ADH1C: variants seen among roughly 807,000 people sequenced by gnomAD.
The protein encoded by ADH1C is alcohol dehydrogenase 1C.
Under a neutral mutation model 35.0 loss-of-function variants are expected in ADH1C, and 26 were observed. That is an observed-to-expected ratio of 0.74 (90% CI 0.54 to 1.03). ADH1C has a LOEUF of 1.03. Ranked by LOEUF, ADH1C falls within the 50% of genes least tolerant of loss-of-function variation. ADH1C has a pLI of 0.00. For missense variants in ADH1C, 413 were observed against 465.4 expected, an observed-to-expected ratio of 0.89 and a Z score of 1.04; for synonymous variants, 170 against 169.3, an observed-to-expected ratio of 1.00 and a Z score of -0.03.
chr4:99,343,034 C>G lies in ADH1C; in HGVS notation c.589G>C (p.Ala197Pro). 6.2e-7 allele frequency: 1 copy of G among 1,614,164 alleles called. No homozygotes were observed. Among genetic ancestry groups the G allele is most frequent in the Non-Finnish European group, 8.5e-7 (1 of 1,180,032 alleles). Residue 197 changes from alanine (A) to proline (P), a missense_variant, in exon 6 of 9, where the codon GCT (alanine) becomes CCT (proline). By Grantham distance (27) the Ala-to-Pro change is conservative. Coordinates refer to ENST00000515683, the MANE Select transcript of ADH1C (RefSeq NM_000669.5). ...VAKVTPGSTC[A>P]VFGLGGVGLS... Reference sequence around the variant, plus strand: ...CCGACCCCTCCCAGGCCAAACACAGCACAGGTAGACCCTGGGGTGACCTAT... The same window carrying G: ...CCGACCCCTCCCAGGCCAAACACAGGACAGGTAGACCCTGGGGTGACCTAT...
chr4:99,339,518 C>A (rs1360432037), intron 8 of ADH1C, 59 bp downstream of exon 8: 6 of 1,074,228 alleles, frequency 5.6e-6, no homozygotes, highest in African/African-American at 5.0e-5. Flanking sequence ...CAACGCCCCC[C>A]CCCCCCCCGC....
chr4:99,352,742 T>C lies in ADH1C; in HGVS notation c.-67A>G, dbSNP rs565086455. Reference sequence around the variant, plus strand: ...CTTGTGGATTTCTTCTCTGCTTGAGTGCATAAAGCAGGTATGTTGCACAGG... The same window carrying C: ...CTTGTGGATTTCTTCTCTGCTTGAGCGCATAAAGCAGGTATGTTGCACAGG... On this transcript the variant is annotated 5_prime_UTR_variant, in exon 1 of 9. Transcript: ENST00000515683. 6.6e-7 allele frequency: 1 copy of C among 1,518,054 alleles called. No homozygotes were observed. The highest frequency in any genetic ancestry group is 2.3e-5 in the East Asian group (1 of 44,368). The allele number at this position is 1,518,054 out of a possible 1,614,324, so 94.0% of individuals were successfully genotyped here. A position where few individuals can be genotyped will look rare whatever the true frequency, so the allele number is the denominator to read the frequency against.
Position 99,347,749 on chromosome 4 carries a change from A to G in ADH1C, c.116T>C (p.Ile39Thr). 1.9e-6 allele frequency: 3 copies of G among 1,606,680 alleles called. No individual in the cohort carries two copies. Among genetic ancestry groups the G allele is most frequent in the Non-Finnish European group, 2.6e-6 (3 of 1,176,204 alleles). Residue 39 changes from isoleucine (I) to threonine (T), a missense_variant, in exon 2 of 9, where the codon ATT (isoleucine) becomes ACT (threonine). Physicochemically the swap from Ile to Thr is moderately conservative, Grantham distance 89 (BLOSUM62 -1). Transcript: ENST00000515683. ...VAPPKAHEVR[I>T]KMVAAGICRS... ...CAAATGGAAAAAGTATTTCACCTTA[A>G]TGCGAACTTCATGAGCCTTAGGAGG... is the stretch of plus-strand genomic sequence containing the variant.
Position 99,344,998 on chromosome 4 carries a change from ACGC to A in ADH1C, c.428_430del (p.Gly143del), listed in dbSNP as rs769558836. On this transcript the variant is annotated inframe_deletion, in exon 5 of 9. Transcript: ENST00000515683. ...CACTGTGTACTGGGAGAAGGTGCTG[ACGC>A]CGACGAAGTGGTGGATGGGCTTCCC... 6 of 1,614,064 alleles carry A rather than the reference ACGC, an allele frequency of 3.7e-6. No homozygotes were observed. The Admixed American group carries it at 5.0e-5, about 13-fold the overall frequency.
chr4:99,348,009 CTT>C (rs1560539254), intron 1 of ADH1C, among the ~76,000 whole-genome samples, 163 bp from the exon 2 acceptor site: 1 of 152,000 alleles, frequency 6.6e-6, no homozygotes, highest in Non-Finnish European at 1.5e-5. Flanking sequence ...ATAAGAGTAT[CTT>C]TTAAAAAAGC....
At chr4:99,338,436 TATATATATAC>T (rs1303629721) in intron 8 of ADH1C, among the ~76,000 whole-genome samples, 1,503 of 65,468 alleles carry the variant, frequency 0.023, 205 homozygotes, top group East Asian at 0.044. Flanking sequence ...TATATATATA[TATATATATAC>T]ACACTCTTGA....
chr4:99,343,072 T>C lies in ADH1C; in HGVS notation c.568-17A>G. 6.2e-7 allele frequency: 1 copy of C among 1,603,582 alleles called. No individual in the cohort carries two copies. Among genetic ancestry groups the C allele is most frequent in the South Asian group, 1.1e-5 (1 of 89,234 alleles). On this transcript the variant is annotated splice_polypyrimidine_tract_variant and intron_variant, in intron 5 of 8. Coordinates refer to ENST00000515683, the MANE Select transcript of ADH1C (RefSeq NM_000669.5). Reference sequence around the variant, plus strand: ...TGGGGTGACCTATGTTTTCAGAAAATGCAAAAATGAATTAAATAATGTTTG... The same window carrying C: ...TGGGGTGACCTATGTTTTCAGAAAACGCAAAAATGAATTAAATAATGTTTG...
intron 1 of ADH1C, among the ~76,000 whole-genome samples, chr4:99,351,998 T>C (rs975378765): frequency 1.3e-5 from 2 of 152,194 alleles, no homozygotes; most frequent in South Asian, 2.1e-4. Flanking sequence ...TTGACTTTTA[T>C]ATAGGGGAGA....
In ADH1C at chr4:99,339,518, C is replaced by G. The variant is rs1360432037; in HGVS notation, c.1103+59G>C. 60 of 1,074,122 alleles carry G rather than the reference C, an allele frequency of 5.6e-5. 1 individual carries two copies. Among genetic ancestry groups the G allele is most frequent in the Non-Finnish European group, 6.8e-5 (54 of 790,404 alleles). 66.5% of individuals were successfully genotyped at this position (1,074,122 alleles called of 1,614,324 possible). A position where few individuals can be genotyped will look rare whatever the true frequency, so the allele number is the denominator to read the frequency against. ...TCATTCTCTGCTAGACAACGCCCCC[C>G]CCCCCCCCGCCGCTACTGTAGAATA... is the stretch of plus-strand genomic sequence containing the variant. On this transcript the variant is annotated intron_variant, in intron 8 of 8. Coordinates refer to ENST00000515683, the MANE Select transcript of ADH1C (RefSeq NM_000669.5).
chr4:99,344,317 T>C (rs1481612733), intron 5 of ADH1C, among the ~76,000 whole-genome samples: 1 of 152,204 alleles, frequency 6.6e-6, no homozygotes, highest in East Asian at 1.9e-4. Context: ...TGAAATGTCA[T>C]AATGAGTGAA....
chr4:99,337,661 A>C (rs547023752), intron 8 of ADH1C, among the ~76,000 whole-genome samples: 1 of 152,156 alleles, frequency 6.6e-6, no homozygotes, highest in Non-Finnish European at 1.5e-5. Flanking sequence ...AGAATACAGG[A>C]CAGAAGAAGC....
At position 99,339,599 on chromosome 4, in the gene ADH1C, C is replaced by G. The variant is rs950884208; in HGVS notation, c.1081G>C (p.Asp361His). The change falls in exon 8 of 9, where the codon GAC (aspartate) becomes CAC (histidine). Residue 361 changes from aspartate to histidine, a missense_variant. Asp to His is a moderately conservative substitution (Grantham distance 81, BLOSUM62 -1). Transcript: ENST00000515683. ...TACCTCTTTCCAGAGCGAAGCAGGTCAAATCCTTCATTTATTTTTTCAAAA... is the reference window on the plus strand; with the variant it reads ...TACCTCTTTCCAGAGCGAAGCAGGTGAAATCCTTCATTTATTTTTTCAAAA... ...LPFEKINEGF[D>H]LLRSGKSIRT... 1 of 1,590,926 alleles carries G rather than the reference C, an allele frequency of 6.3e-7. No individual in the cohort carries two copies. The highest frequency in any genetic ancestry group is 2.3e-5 in the East Asian group (1 of 44,436).
chr4:99,350,295 T>TTGGGG (rs1734644708), intron 1 of ADH1C, among the ~76,000 whole-genome samples: 1 of 152,186 alleles, frequency 6.6e-6, no homozygotes. Flanking sequence ...TCAATAGTTT[T>TTGGGG]TGGGGTGCAG....
chr4:99,336,520 G>C lies in ADH1C; in HGVS notation c.*232C>G. 1.7e-6 allele frequency: 1 copy of C among 583,328 alleles called. No individual in the cohort carries two copies. Among genetic ancestry groups the C allele is most frequent in the Non-Finnish European group, 3.0e-6 (1 of 332,636 alleles). The allele number at this position is 583,328 out of a possible 1,614,324, so 36.1% of individuals were successfully genotyped here. On this transcript the variant is annotated 3_prime_UTR_variant, in exon 9 of 9. Coordinates refer to ENST00000515683, the MANE Select transcript of ADH1C (RefSeq NM_000669.5). ...AATGGTTAAGAAGGAAGGTTTATTG[G>C]CTTCAATTCCCCAGTTGATGTTCAA...
At chr4:99,342,673 A>G in intron 6 of ADH1C, 122 bp downstream of exon 6, 1 of 1,474,624 alleles carries the variant, frequency 6.8e-7, no homozygotes, top group Non-Finnish European at 9.2e-7. Flanking sequence ...TAACAAAAAG[A>G]TGACGGGAAA....
In ADH1C at chr4:99,344,912, T is replaced by C; in HGVS notation, c.517A>G (p.Ile173Val). 1 of 1,614,212 alleles carries C rather than the reference T, an allele frequency of 6.2e-7. No homozygotes were observed. Among genetic ancestry groups the C allele is most frequent in the Non-Finnish European group, 8.5e-7 (1 of 1,180,034 alleles). The change falls in exon 5 of 9, where the codon ATT (isoleucine) becomes GTT (valine). Residue 173 changes from isoleucine (I) to valine (V), a missense_variant. Coordinates refer to ENST00000515683, the MANE Select transcript of ADH1C (RefSeq NM_000669.5). ...AASPLEKVCLIGCGFSTGYGS... is the reference protein window; with the variant it reads ...AASPLEKVCLVGCGFSTGYGS... The stretch of plus-strand genomic sequence containing the variant: ...TAACCAGTCGAAAATCCACAGCCAA[T>C]GAGGCAGACTTTCTCCAGGGGCGAG...
chr4:99,346,343 T>C (rs1443913286), intron 3 of ADH1C, among the ~76,000 whole-genome samples: 2 of 152,158 alleles, frequency 1.3e-5, no homozygotes, highest in African/African-American at 2.4e-5. Flanking sequence ...ATATTGAAGA[T>C]AAAATAATTA....
At chr4:99,346,271 T>G (rs1212273156) in intron 3 of ADH1C, among the ~76,000 whole-genome samples, 1 of 152,116 alleles carries the variant, frequency 6.6e-6, no homozygotes, top group African/African-American at 2.4e-5. Context: ...ATGTCCTAGT[T>G]ATTCATCCTT....
chr4:99,338,260 C>T (rs942295314), intron 8 of ADH1C, among the ~76,000 whole-genome samples: 3 of 150,116 alleles, frequency 2.0e-5, no homozygotes, highest in Admixed American at 6.6e-5. Flanking sequence ...TAGGCATGCT[C>T]CATGCCTTCT....
Sources: allele counts gnomAD v4.1 joint callset (sites outside exome capture counted in the v4.1 genomes callset), GRCh38; gene constraint gnomAD v4.1.1; transcripts MANE v1.5; gene names NCBI Gene and HGNC (gene_info 2026-07-23, HGNC 2026-07-21).